Variants in PXK observed in about 807,000 individuals in gnomAD.
PXK encodes PX domain-containing protein kinase-like protein.
Under a neutral mutation model 84.7 loss-of-function variants are expected in PXK, and 35 were observed. That is an observed-to-expected ratio of 0.41 (90% CI 0.32 to 0.55). The LOEUF is 0.55. PXK is among the 20% of genes least tolerant of loss of function. The pLI, the probability that PXK is intolerant of heterozygous loss-of-function variation, is 0.21. For missense variants in PXK, 634 were observed against 699.7 expected (o/e 0.91, Z 1.06); for synonymous variants, 253 against 260.8 (o/e 0.97, Z 0.29).
rs755210249 is a variant in PXK, at chr3:58,403,852, T to C, written c.1182-10T>C. On this transcript the variant is annotated splice_polypyrimidine_tract_variant and intron_variant, in intron 12 of 17. Transcript: ENST00000356151. ...CAAGAAAGATTTTTGTTTGTTTCTT[T>C]TCTTTACAGATTATTCAGCGATGTT... 83 of 1,530,228 alleles carry C rather than the reference T, an allele frequency of 5.4e-5. No individual in the cohort carries two copies. In the Admixed American group the frequency reaches 1.3e-3, roughly 24 times the overall value. 94.8% of individuals were successfully genotyped at this position (1,530,228 alleles called of 1,614,324 possible). A position where few individuals can be genotyped will look rare whatever the true frequency, so the allele number is the denominator to read the frequency against.
chr3:58,367,217 G>C (rs1347818083), intron 2 of PXK, among the ~76,000 whole-genome samples: 1 of 151,986 alleles, frequency 6.6e-6, no homozygotes, highest in Non-Finnish European at 1.5e-5. Context: ...AGATTAATAA[G>C]GGAAAAGCAT....
rs181798025 is a variant in PXK, at chr3:58,408,756, G to A, written c.1231-168G>A. On this transcript the variant is annotated intron_variant, in intron 13 of 17. Transcript: ENST00000356151. ...CCAGGATGGTCTCCATCTCCTGACC[G>A]CGTGATCCGCCCGCCTTGGCCTCTC... Among the ~76,000 whole-genome samples, 17 of 152,138 alleles carry A rather than the reference G, an allele frequency of 1.1e-4. 1 individual carries two copies. Among genetic ancestry groups the A allele is most frequent in the Admixed American group, 6.5e-4 (10 of 15,276 alleles).
chr3:58,398,264 G>A lies in PXK; in HGVS notation c.1102+542G>A, dbSNP rs7635051. Reference sequence around the variant, plus strand: ...AAAATTACAAAAATTAGCTGGGCGTGGAGGTGCATGCCTGTAATCCCAGCT... The same window carrying A: ...AAAATTACAAAAATTAGCTGGGCGTAGAGGTGCATGCCTGTAATCCCAGCT... On this transcript the variant is annotated intron_variant, in intron 11 of 17. Transcript: ENST00000356151. The surrounding 1 kb of genome is among the most constrained non-coding windows in gnomAD (Gnocchi z 4.5). 0.3 allele frequency among the ~76,000 whole-genome samples: 44,986 copies of A among 152,020 alleles called. 7,390 individuals carry two copies. The highest frequency in any genetic ancestry group is 0.39 in the Middle Eastern group (114 of 292).
chr3:58,342,527 C>T (rs116418042), intron 1 of PXK, among the ~76,000 whole-genome samples: 1,531 of 150,470 alleles, frequency 0.01, 12 homozygotes, highest in Non-Finnish European at 0.015. Context: ...CCCTGCTCCT[C>T]AGGAAGCTGA....
intron 1 of PXK, among the ~76,000 whole-genome samples, chr3:58,341,529 T>G (rs758123627): frequency 2.6e-5 from 4 of 151,840 alleles, no homozygotes; most frequent in Non-Finnish European, 5.9e-5. Flanking sequence ...GCCACTGCAC[T>G]GCATCCTGGA....
rs2098520361 is a variant in PXK at position 58,383,164 on chromosome 3, T to C, written c.388+464T>C. Among the ~76,000 whole-genome samples, 1 of 152,168 alleles carries C rather than the reference T, an allele frequency of 6.6e-6. No homozygotes were observed. Among genetic ancestry groups the C allele is most frequent in the African/African-American group, 2.4e-5 (1 of 41,424 alleles). On this transcript the variant is annotated intron_variant, in intron 4 of 17. Transcript: ENST00000356151. This position sits in a 1 kb window ranked among gnomAD's most constrained non-coding sequence, Gnocchi z 4.0. Reference sequence around the variant, plus strand: ...AAAATTAGCCAGGCATAGTGGCACATGCCTGTAATCCTAGCTACTCGGGAG... The same window carrying C: ...AAAATTAGCCAGGCATAGTGGCACACGCCTGTAATCCTAGCTACTCGGGAG...
chr3:58,375,345 A>T (rs1346209067), intron 3 of PXK, among the ~76,000 whole-genome samples: 1 of 152,182 alleles, frequency 6.6e-6, no homozygotes, highest in Non-Finnish European at 1.5e-5. Flanking sequence ...CTTTAATTGA[A>T]AAAAAAGTAG....
intron 1 of PXK, among the ~76,000 whole-genome samples, chr3:58,339,182 C>T (rs964615314): frequency 3.3e-5 from 5 of 149,812 alleles, no homozygotes; most frequent in Non-Finnish European, 5.9e-5. Context: ...CTATTGAAGA[C>T]GTTGGTTTTT....
At chr3:58,391,304 G>T in intron 6 of PXK, 84 bp downstream of exon 6, 1 of 1,221,964 alleles carries the variant, frequency 8.2e-7, no homozygotes, top group Non-Finnish European at 1.2e-6. Flanking sequence ...TTACAAAATT[G>T]TACTGTGCTC....
rs1369110318 is a variant in PXK at position 58,399,038 on chromosome 3, C to A, written c.1103-261C>A. Among the ~76,000 whole-genome samples the A allele has an allele frequency of 6.6e-6, 1 of 152,212 alleles. No individual in the cohort carries two copies. Among genetic ancestry groups the A allele is most frequent in the Non-Finnish European group, 1.5e-5 (1 of 68,036 alleles). Reference sequence around the variant, plus strand: ...CACTTTTATGAATGATATCTTGAATCCTTCCTCCAGTTATCTTTGAAATAT... The same window carrying A: ...CACTTTTATGAATGATATCTTGAATACTTCCTCCAGTTATCTTTGAAATAT... On this transcript the variant is annotated intron_variant, in intron 11 of 17. Transcript: ENST00000356151. The surrounding 1 kb of genome is among the most constrained non-coding windows in gnomAD (Gnocchi z 4.3).
At position 58,398,743 on chromosome 3, in the gene PXK, C is replaced by T. The variant is rs2058112926; in HGVS notation, c.1103-556C>T. On this transcript the variant is annotated intron_variant, in intron 11 of 17. Coordinates refer to ENST00000356151, the MANE Select transcript of PXK (RefSeq NM_017771.5). This position sits in a 1 kb window ranked among gnomAD's most constrained non-coding sequence, Gnocchi z 4.5. ...TGGAGATACTCAAGTCCACCCTTCACCAAGCGTTATTGTGTCAAAAGAGGC... is the reference window on the plus strand; with the variant it reads ...TGGAGATACTCAAGTCCACCCTTCATCAAGCGTTATTGTGTCAAAAGAGGC... Among the ~76,000 whole-genome samples, 1 of 152,158 alleles carries T rather than the reference C, an allele frequency of 6.6e-6. No individual in the cohort carries two copies. Among genetic ancestry groups the T allele is most frequent in the Admixed American group, 6.5e-5 (1 of 15,276 alleles).
At chr3:58,339,238 GT>G (rs769454166) in intron 1 of PXK, among the ~76,000 whole-genome samples, 278 of 122,494 alleles carry the variant, frequency 2.3e-3, no homozygotes, top group Admixed American at 3.1e-3. Flanking sequence ...GTTTTTTTTT[GT>G]TTTTTTTTTT....
chr3:58,404,464 C>T (rs1218031837), intron 13 of PXK, among the ~76,000 whole-genome samples: 1 of 152,206 alleles, frequency 6.6e-6, no homozygotes, highest in African/African-American at 2.4e-5. Context: ...TGCCCCCTCT[C>T]CTGCACTGTG....
In PXK at chr3:58,422,378, C is replaced by T. The variant is rs1460470822; in HGVS notation, c.1529-2374C>T. 4.1e-6 allele frequency: 4 copies of T among 985,372 alleles called. No homozygotes were observed. In the East Asian group the frequency reaches 4.5e-4, roughly 112 times the overall value. 61.0% of individuals were successfully genotyped at this position (985,372 alleles called of 1,614,324 possible). On this transcript the variant is annotated intron_variant, in intron 17 of 17. Transcript: ENST00000356151. The stretch of plus-strand genomic sequence containing the variant: ...TGTAGGCCCAGTGAGGAAAAGTGGA[C>T]TTGCTGGGACATCAAGCCCCACCGG...
At chr3:58,336,064 TA>T (rs1559829538) in intron 1 of PXK, among the ~76,000 whole-genome samples, 15 of 58,270 alleles carry the variant, frequency 2.6e-4, no homozygotes, top group African/African-American at 6.0e-4. Context: ...TATATATATA[TA>T]TATATATTTT....
chr3:58,354,167 A>C (rs367552228), intron 1 of PXK, among the ~76,000 whole-genome samples: 2 of 152,148 alleles, frequency 1.3e-5, no homozygotes, highest in East Asian at 3.9e-4. Flanking sequence ...CCTCCAGCAG[A>C]GGGAAATAGT....
intron 1 of PXK, among the ~76,000 whole-genome samples, chr3:58,357,006 C>T (rs1234494300): frequency 7.3e-5 from 11 of 150,340 alleles, no homozygotes; most frequent in East Asian, 4.0e-4. Context: ...TCAGGCTGGG[C>T]GCGGTGGCTC....
Position 58,398,405 on chromosome 3 carries a change from C to T in PXK, c.1102+683C>T, listed in dbSNP as rs1459166946. 1.3e-5 allele frequency among the ~76,000 whole-genome samples: 2 copies of T among 152,122 alleles called. No homozygotes were observed. Among genetic ancestry groups the T allele is most frequent in the Non-Finnish European group, 2.9e-5 (2 of 68,034 alleles). ...CCTGGGCGACACAGTAAGACTCTGC[C>T]TCAAACGAAAACAAAACAAAACAAG... is the stretch of plus-strand genomic sequence containing the variant. On this transcript the variant is annotated intron_variant, in intron 11 of 17. Transcript: ENST00000356151. This position sits in a 1 kb window ranked among gnomAD's most constrained non-coding sequence, Gnocchi z 4.5.
At chr3:58,378,922 A>AG (rs1553777064) in intron 3 of PXK, among the ~76,000 whole-genome samples, 3 of 150,874 alleles carry the variant, frequency 2.0e-5, no homozygotes, top group East Asian at 2.0e-4. Context: ...TATTATTATT[A>AG]TTAGTAGTAG....
Sources: allele counts gnomAD v4.1 joint callset (sites outside exome capture counted in the v4.1 genomes callset), GRCh38; gene constraint gnomAD v4.1.1; non-coding constraint Gnocchi (gnomAD v3.1); transcripts MANE v1.5; gene names NCBI Gene and HGNC (gene_info 2026-07-23, HGNC 2026-07-21).